The following ROBO3 variants were observed in gnomAD, a reference collection of about 807,000 sequenced individuals.
ROBO3 encodes the protein roundabout guidance receptor 3.
A neutral mutation model predicts 160.5 loss-of-function variants in ROBO3; 97 were observed. The ratio of observed to expected loss-of-function variants is 0.60; its 90% CI spans 0.51 to 0.72. The LOEUF is 0.72. Among genes scored for constraint, ROBO3 ranks in the 30% least tolerant of loss-of-function variants. ROBO3 has a pLI of 0.00. For synonymous variants in ROBO3, 780 were observed against 746.2 expected (o/e 1.05, Z -0.74); for missense variants, 1,858 against 1,846.5 (o/e 1.01, Z -0.11).
Position 124,876,372 on chromosome 11 carries a change from C to T in ROBO3, c.2691C>T (p.Ser897=), listed in dbSNP as rs2135336274. ...GGGAGCCCGCCTTCCTCGCGGGCAG[C>T]GGCGCAGCCTGCGGGGCGCTGCTTC... ...VLREPAFLAG[S]GAACGALLLG... Residue 897 remains serine (S), a synonymous_variant, in exon 17 of 28, where the codon AGC becomes AGT. Transcript: ENST00000397801. The surrounding 1 kb of genome is among the most constrained non-coding windows in gnomAD (Gnocchi z 5.3). 1.4e-6 allele frequency: 2 copies of T among 1,438,194 alleles called. No individual in the cohort carries two copies. The highest frequency in any genetic ancestry group is 1.8e-6 in the Non-Finnish European group (2 of 1,103,796). 89.1% of individuals were successfully genotyped at this position (1,438,194 alleles called of 1,614,324 possible). A position where few individuals can be genotyped will look rare whatever the true frequency, so the allele number is the denominator to read the frequency against.
rs1052307990 is a variant in ROBO3, at chr11:124,873,256, C to A, written c.1537-54C>A. 18 of 1,526,014 alleles carry A rather than the reference C, an allele frequency of 1.2e-5. No individual in the cohort carries two copies. Among genetic ancestry groups the A allele is most frequent in the Admixed American group, 3.8e-5 (2 of 53,248 alleles). 94.5% of individuals were successfully genotyped at this position (1,526,014 alleles called of 1,614,324 possible). On this transcript the variant is annotated intron_variant, in intron 9 of 27. Coordinates refer to ENST00000397801, the MANE Select transcript of ROBO3 (RefSeq NM_022370.4). This position sits in a 1 kb window ranked among gnomAD's most constrained non-coding sequence, Gnocchi z 4.5. ...TCCTTCTGCTACCCGCCTCCACCCCCTCACTGGATCTTGCTCCACTCTCAG... is the reference window on the plus strand; with the variant it reads ...TCCTTCTGCTACCCGCCTCCACCCCATCACTGGATCTTGCTCCACTCTCAG...
chr11:124,870,771 AG>A, intron 6 of ROBO3, 43 bp downstream of exon 6: 1 of 1,598,292 alleles, frequency 6.3e-7, no homozygotes. Context: ...GAATGGTAGG[AG>A]GGGAGAAGGA....
At position 124,865,749 on chromosome 11, in the gene ROBO3, C is replaced by G; in HGVS notation, c.160+12C>G. ...TCCCTCTCTCAACGGTGAGACCCTG[C>G]CTCTTGGGGATATGGGATCCTGGGA... is the stretch of plus-strand genomic sequence containing the variant. On this transcript the variant is annotated intron_variant, in intron 1 of 27. Coordinates refer to ENST00000397801, the MANE Select transcript of ROBO3 (RefSeq NM_022370.4). The surrounding 1 kb of genome is among the most constrained non-coding windows in gnomAD (Gnocchi z 5.5). 6.3e-7 allele frequency: 1 copy of G among 1,598,900 alleles called. No individual in the cohort carries two copies. The highest frequency in any genetic ancestry group is 8.5e-7 in the Non-Finnish European group (1 of 1,173,444).
At position 124,878,564 on chromosome 11, in the gene ROBO3, T is replaced by C. The variant is rs769133393; in HGVS notation, c.3321-20T>C. ...GAAGCAGCTGAGCCCTTTCCTTCTC[T>C]CCTGCCTCTTTGATCCCAGCTCAGA... On this transcript the variant is annotated intron_variant, in intron 22 of 27. Transcript: ENST00000397801. This position sits in a 1 kb window ranked among gnomAD's most constrained non-coding sequence, Gnocchi z 4.3. The C allele has an allele frequency of 9.3e-6, 15 of 1,607,590 alleles. 1 individual carries two copies. In the South Asian group the frequency reaches 1.6e-4, roughly 17 times the overall value.
intron 17 of ROBO3, 115 bp from the exon 18 acceptor site, chr11:124,877,046 T>C: frequency 8.7e-7 from 1 of 1,153,598 alleles, no homozygotes; most frequent in East Asian, 2.3e-5. Flanking sequence ...GGGTCCAGGG[T>C]GCAGCCTGAG....
Position 124,870,087 on chromosome 11 carries a change from G to C in ROBO3, c.766+19G>C. Reference sequence around the variant, plus strand: ...GTACTGGGTAGGCACAGGGAATTTTGACATTATGGGAACAGGTAGCCTGCA... The same window carrying C: ...GTACTGGGTAGGCACAGGGAATTTTCACATTATGGGAACAGGTAGCCTGCA... On this transcript the variant is annotated intron_variant, in intron 4 of 27. Coordinates refer to ENST00000397801, the MANE Select transcript of ROBO3 (RefSeq NM_022370.4). 6.2e-7 allele frequency: 1 copy of C among 1,613,930 alleles called. No homozygotes were observed. The highest frequency in any genetic ancestry group is 8.5e-7 in the Non-Finnish European group (1 of 1,179,832).
In ROBO3 at chr11:124,874,660, C is replaced by T. The variant is rs369082302; in HGVS notation, c.1952-128C>T. On this transcript the variant is annotated intron_variant, in intron 12 of 27. Coordinates refer to ENST00000397801, the MANE Select transcript of ROBO3 (RefSeq NM_022370.4). ...TCTGGAAGCTATTTTCCTGACCAGT[C>T]CCCTCCTGACCATGGGGTGTGCTCT... 7.3e-5 allele frequency: 84 copies of T among 1,153,870 alleles called. No homozygotes were observed. The East Asian group carries it at 1.5e-3, about 20-fold the overall frequency. 71.5% of individuals were successfully genotyped at this position (1,153,870 alleles called of 1,614,324 possible).
At position 124,869,429 on chromosome 11, in the gene ROBO3, G is replaced by GCCCCCCCCCCCCCCCCCCCCCC. The variant is rs34127060; in HGVS notation, c.488-15_488-14insCCCCCCCCCCCCCCCCCCCCCC. On this transcript the variant is annotated intron_variant, in intron 2 of 27. Transcript: ENST00000397801. This position sits in a 1 kb window ranked among gnomAD's most constrained non-coding sequence, Gnocchi z 4.2. Reference sequence around the variant, plus strand: ...TGTCACTCTACACCCTGCTTATTTCGCCCCCCACCGCCCCGCCCAGTCCTC... The same window carrying GCCCCCCCCCCCCCCCCCCCCCC: ...TGTCACTCTACACCCTGCTTATTTCGCCCCCCCCCCCCCCCCCCCCCCCCCCCCACCGCCCCGCCCAGTCCTC... 11 of 1,301,802 alleles carry GCCCCCCCCCCCCCCCCCCCCCC rather than the reference G, an allele frequency of 8.4e-6. No homozygotes were observed. The highest frequency in any genetic ancestry group is 4.0e-5 in the Admixed American group (2 of 50,146). The allele number at this position is 1,301,802 out of a possible 1,614,324, so 80.6% of individuals were successfully genotyped here.
Position 124,872,785 on chromosome 11 carries a change from C to T in ROBO3, c.1331-99C>T. The T allele has an allele frequency of 8.9e-7, 1 of 1,120,530 alleles. No homozygotes were observed. Among genetic ancestry groups the T allele is most frequent in the Non-Finnish European group, 1.2e-6 (1 of 805,624 alleles). The allele number at this position is 1,120,530 out of a possible 1,614,324, so 69.4% of individuals were successfully genotyped here. A position where few individuals can be genotyped will look rare whatever the true frequency, so the allele number is the denominator to read the frequency against. On this transcript the variant is annotated intron_variant, in intron 8 of 27. Coordinates refer to ENST00000397801, the MANE Select transcript of ROBO3 (RefSeq NM_022370.4). The surrounding 1 kb of genome is among the most constrained non-coding windows in gnomAD (Gnocchi z 4.3). ...CTCTGATCACCGGAAGTTTCAGGGG[C>T]TGGGGTAGGGAGGGTGAAGGAGCAG... is the stretch of plus-strand genomic sequence containing the variant.
chr11:124,872,891 G>T lies in ROBO3; in HGVS notation c.1338G>T (p.Leu446Phe). Residue 446 changes from leucine (L) to phenylalanine (F), a missense_variant, in exon 9 of 28, where the codon TTG (leucine) becomes TTT (phenylalanine). Physicochemically the swap from Leu to Phe is conservative, Grantham distance 22. Transcript: ENST00000397801. The surrounding 1 kb of genome is among the most constrained non-coding windows in gnomAD (Gnocchi z 4.3). Reference protein sequence around the residue: ...KALLEIKGASLDGLPPVILQG... With the variant: ...KALLEIKGASFDGLPPVILQG... ...ACGTTCTTCCTCTCTCAGCCTCTTTGGATGGGCTGCCTCCTGTCATCCTCC... is the reference window on the plus strand; with the variant it reads ...ACGTTCTTCCTCTCTCAGCCTCTTTTGATGGGCTGCCTCCTGTCATCCTCC... 2 of 1,603,248 alleles carry T rather than the reference G, an allele frequency of 1.2e-6. No individual in the cohort carries two copies. Among genetic ancestry groups the T allele is most frequent in the South Asian group, 2.2e-5 (2 of 89,490 alleles).
intron 1 of ROBO3, among the ~76,000 whole-genome samples, chr11:124,866,934 C>A (rs563293484): frequency 6.6e-6 from 1 of 152,258 alleles, no homozygotes; most frequent in South Asian, 2.1e-4. Flanking sequence ...GCTGGCACCC[C>A]GCAGAGTCCC....
chr11:124,876,738 G>C lies in ROBO3; in HGVS notation c.2779+278G>C. ...TTTGCAACCATCTCCATAAAGAAGG[G>C]GCAAGTTCGAGGACGGAAAGCCCAC... On this transcript the variant is annotated intron_variant, in intron 17 of 27. Coordinates refer to ENST00000397801, the MANE Select transcript of ROBO3 (RefSeq NM_022370.4). This position sits in a 1 kb window ranked among gnomAD's most constrained non-coding sequence, Gnocchi z 5.3. The C allele has an allele frequency of 3.0e-6, 1 of 333,160 alleles. No homozygotes were observed. Among genetic ancestry groups the C allele is most frequent in the Non-Finnish European group, 5.5e-6 (1 of 181,376 alleles). 20.6% of individuals were successfully genotyped at this position (333,160 alleles called of 1,614,324 possible).
Position 124,878,533 on chromosome 11 carries a change from G to T in ROBO3, c.3321-51G>T. ...GGGGCAGCAGGAAGGCCAACGGGAA[G>T]GTATGGAAGCAGCTGAGCCCTTTCC... On this transcript the variant is annotated intron_variant, in intron 22 of 27. Coordinates refer to ENST00000397801, the MANE Select transcript of ROBO3 (RefSeq NM_022370.4). This position sits in a 1 kb window ranked among gnomAD's most constrained non-coding sequence, Gnocchi z 4.3. The T allele has an allele frequency of 2.5e-6, 4 of 1,602,582 alleles. No individual in the cohort carries two copies. The highest frequency in any genetic ancestry group is 3.4e-6 in the Non-Finnish European group (4 of 1,172,726).
chr11:124,878,535 T>TATGGAAGCAGCTGAGCCCTTTC lies in ROBO3; in HGVS notation c.3321-48_3321-27dup, dbSNP rs777972547. On this transcript the variant is annotated intron_variant, in intron 22 of 27. Coordinates refer to ENST00000397801, the MANE Select transcript of ROBO3 (RefSeq NM_022370.4). This position sits in a 1 kb window ranked among gnomAD's most constrained non-coding sequence, Gnocchi z 4.3. Reference sequence around the variant, plus strand: ...GGCAGCAGGAAGGCCAACGGGAAGGTATGGAAGCAGCTGAGCCCTTTCCTT... The same window carrying TATGGAAGCAGCTGAGCCCTTTC: ...GGCAGCAGGAAGGCCAACGGGAAGGTATGGAAGCAGCTGAGCCCTTTCATGGAAGCAGCTGAGCCCTTTCCTT... 6 of 1,603,772 alleles carry TATGGAAGCAGCTGAGCCCTTTC rather than the reference T, an allele frequency of 3.7e-6. No homozygotes were observed. The African/African-American group carries it at 8.0e-5, about 21-fold the overall frequency.
rs2098518646 is a variant in ROBO3, at chr11:124,877,523, C to A, written c.2851C>A (p.Pro951Thr). ...EGLSGASSRP[P>T]MGLGPAPYSW... ...CGCTCACCTGCTCTCCCTCAGGCCACCCATGGGCCTTGGCCCCGCCCCCTA... is the reference window on the plus strand; with the variant it reads ...CGCTCACCTGCTCTCCCTCAGGCCAACCATGGGCCTTGGCCCCGCCCCCTA... The change falls in exon 20 of 28, where the codon CCC becomes ACC. Residue 951 changes from proline (P) to threonine (T), a missense_variant. Physicochemically the swap from Pro to Thr is conservative, Grantham distance 38. Coordinates refer to ENST00000397801, the MANE Select transcript of ROBO3 (RefSeq NM_022370.4). 1 of 1,601,618 alleles carries A rather than the reference C, an allele frequency of 6.2e-7. No homozygotes were observed.
chr11:124,868,021 A>C (rs1368401089), intron 1 of ROBO3, among the ~76,000 whole-genome samples: 1 of 152,216 alleles, frequency 6.6e-6, no homozygotes, highest in African/African-American at 2.4e-5. Flanking sequence ...GTAGGACAGA[A>C]TATGTGGATG....
At position 124,876,596 on chromosome 11, in the gene ROBO3, T is replaced by G; in HGVS notation, c.2779+136T>G. ...CGCACCTGGAGTTCAGCCTCTTGGG[T>G]AGGGGCGGGATACGTGGGGCGACTC... On this transcript the variant is annotated intron_variant, in intron 17 of 27. Transcript: ENST00000397801. The surrounding 1 kb of genome is among the most constrained non-coding windows in gnomAD (Gnocchi z 5.3). 1.4e-6 allele frequency: 1 copy of G among 712,842 alleles called. No individual in the cohort carries two copies. Among genetic ancestry groups the G allele is most frequent in the African/African-American group, 1.9e-5 (1 of 52,942 alleles). 44.2% of individuals were successfully genotyped at this position (712,842 alleles called of 1,614,324 possible). A position where few individuals can be genotyped will look rare whatever the true frequency, so the allele number is the denominator to read the frequency against.
At chr11:124,875,882 T>C (rs1457103753) in intron 15 of ROBO3, 72 bp from the exon 16 acceptor site, 8 of 1,522,276 alleles carry the variant, frequency 5.3e-6, no homozygotes, top group Non-Finnish European at 7.2e-6. Context: ...CTCTACCATT[T>C]GGAGCCTTAA....
rs774589963 is a variant in ROBO3, at chr11:124,873,878, T to G, written c.1784+16T>G. The G allele has an allele frequency of 3.1e-6, 5 of 1,611,864 alleles. No individual in the cohort carries two copies. In the African/African-American group the frequency reaches 6.7e-5, roughly 22 times the overall value. On this transcript the variant is annotated intron_variant, in intron 11 of 27. Coordinates refer to ENST00000397801, the MANE Select transcript of ROBO3 (RefSeq NM_022370.4). This position sits in a 1 kb window ranked among gnomAD's most constrained non-coding sequence, Gnocchi z 4.5. ...AGGCCTTCAGGTATGGAGAAAGTTT[T>G]GAATGCAAACCTGGAGAGTTAAAAG...
Sources: gnomAD v4.1 joint callset for allele counts (sites outside exome capture counted in the v4.1 genomes callset) on GRCh38, gnomAD v4.1.1 for gene constraint, Gnocchi (gnomAD v3.1) non-coding constraint, MANE v1.5 for transcripts, NCBI Gene and HGNC (gene_info 2026-07-23, HGNC 2026-07-21) for gene names.